DISC1: variants seen among roughly 807,000 people sequenced by gnomAD.
The protein encoded by DISC1 is DISC1 scaffold protein.
Under a neutral mutation model 84.5 loss-of-function variants are expected in DISC1, and 57 were observed. The ratio of observed to expected loss-of-function variants is 0.67; its 90% CI spans 0.55 to 0.84. DISC1 has a LOEUF of 0.84. DISC1 is among the 40% of genes least tolerant of loss of function. The pLI, the probability that DISC1 is intolerant of heterozygous loss-of-function variation, is 0.00. For synonymous variants in DISC1, 411 were observed against 415.2 expected (o/e 0.99, Z 0.12); for missense variants, 1,000 against 1,057.8 (o/e 0.95, Z 0.76).
At chr1:231,715,739 C>CTA (rs1481964014) in intron 3 of DISC1, among the ~76,000 whole-genome samples, 1 of 152,166 alleles carries the variant, frequency 6.6e-6, no homozygotes, top group Non-Finnish European at 1.5e-5. Context: ...ATAGTCAGTA[C>CTA]TAAAAGCACC....
At chr1:231,899,208 G>A (rs1265737354) in intron 9 of DISC1, among the ~76,000 whole-genome samples, 2 of 152,110 alleles carry the variant, frequency 1.3e-5, no homozygotes, top group Non-Finnish European at 2.9e-5. Context: ...TGGAGCTCTG[G>A]GACAGTAGCT....
intron 10 of DISC1, among the ~76,000 whole-genome samples, chr1:232,002,794 A>G (rs1666880428): frequency 6.6e-6 from 1 of 152,180 alleles, no homozygotes; most frequent in African/African-American, 2.4e-5. Context: ...AAAAGAGAAC[A>G]TGGAGATTCA....
chr1:232,003,082 AAAG>A (rs1020138983), intron 10 of DISC1, among the ~76,000 whole-genome samples: 2 of 152,174 alleles, frequency 1.3e-5, no homozygotes, highest in Middle Eastern at 3.2e-3. Flanking sequence ...AAATAGAAAA[AAAG>A]AAGGGAATTT....
Position 231,795,239 on chromosome 1 carries a change from C to T in DISC1, c.1635-3C>T. On this transcript the variant is annotated splice_region_variant and splice_polypyrimidine_tract_variant and intron_variant, in intron 6 of 12. Coordinates refer to ENST00000439617, the MANE Select transcript of DISC1 (RefSeq NM_018662.3). ...ACCAATCTCCTCTTTTTAATTCTTC[C>T]AGCCTCCAGGAAAGAATAAAATCCC... is the stretch of plus-strand genomic sequence containing the variant. 6.2e-7 allele frequency: 1 copy of T among 1,613,534 alleles called. No homozygotes were observed. The highest frequency in any genetic ancestry group is 8.5e-7 in the Non-Finnish European group (1 of 1,179,540).
In DISC1 at chr1:231,992,414, T is replaced by A. The variant is rs1006556215; in HGVS notation, c.2043-16371T>A. Among the ~76,000 whole-genome samples, 10 of 152,328 alleles carry A rather than the reference T, an allele frequency of 6.6e-5. No individual in the cohort carries two copies. In the South Asian group the frequency reaches 2.1e-3, roughly 32 times the overall value. Reference sequence around the variant, plus strand: ...TTTGCTGGTTAATAAATCTAACTCATAGACCATGCAACGTGTTAGAAATAT... The same window carrying A: ...TTTGCTGGTTAATAAATCTAACTCAAAGACCATGCAACGTGTTAGAAATAT... On this transcript the variant is annotated intron_variant, in intron 10 of 12. Coordinates refer to ENST00000439617, the MANE Select transcript of DISC1 (RefSeq NM_018662.3).
At chr1:231,682,896 A>G (rs376839787) in intron 1 of DISC1, among the ~76,000 whole-genome samples, 4 of 152,358 alleles carry the variant, frequency 2.6e-5, no homozygotes, top group Non-Finnish European at 1.5e-5. Context: ...TGTCACATGC[A>G]TGGTTTTTGA....
intron 12 of DISC1, among the ~76,000 whole-genome samples, chr1:232,033,544 T>C (rs112694370): frequency 1.3e-5 from 2 of 152,340 alleles, no homozygotes; most frequent in African/African-American, 4.8e-5. Flanking sequence ...TGGACATAAC[T>C]ACCAACATGG....
intron 9 of DISC1, among the ~76,000 whole-genome samples, chr1:231,898,631 C>T (rs996734093): frequency 1.3e-5 from 2 of 152,126 alleles, no homozygotes; most frequent in African/African-American, 4.8e-5. Flanking sequence ...GTTGAATGTT[C>T]TACATTCACA....
At chr1:232,016,764 A>G (rs761180689) in intron 11 of DISC1, among the ~76,000 whole-genome samples, 1 of 152,240 alleles carries the variant, frequency 6.6e-6, no homozygotes, top group Non-Finnish European at 1.5e-5. Context: ...CTTGAAGACA[A>G]TTCATTGCTT....
intron 9 of DISC1, among the ~76,000 whole-genome samples, chr1:231,917,993 C>T (rs757538587): frequency 3.3e-5 from 5 of 152,184 alleles, no homozygotes; most frequent in Admixed American, 6.5e-5. Flanking sequence ...TGTAGTTACA[C>T]TACAAACACT....
chr1:231,916,228 G>A (rs1342842794), intron 9 of DISC1, among the ~76,000 whole-genome samples: 2 of 152,096 alleles, frequency 1.3e-5, no homozygotes, highest in Non-Finnish European at 2.9e-5. Context: ...TACTTTTTAG[G>A]TCTCAAATCT....
chr1:231,911,242 C>T (rs574096386), intron 9 of DISC1, among the ~76,000 whole-genome samples: 29 of 152,106 alleles, frequency 1.9e-4, no homozygotes, highest in Non-Finnish European at 3.5e-4. Context: ...TTATTTTGCT[C>T]GTTGGTTGAT....
At chr1:231,666,817 C>T (rs2125419627) in intron 1 of DISC1, among the ~76,000 whole-genome samples, 1 of 152,304 alleles carries the variant, frequency 6.6e-6, no homozygotes, top group Non-Finnish European at 1.5e-5. Context: ...CATGTAGAAT[C>T]TGGAGAGGAG....
rs1323347120 is a variant in DISC1, at chr1:231,735,683, G to C, written c.1118-14243G>C. On this transcript the variant is annotated intron_variant, in intron 3 of 12. Transcript: ENST00000439617. Reference sequence around the variant, plus strand: ...CCAAAGTGGGAGTAACCACTCTCTCGTGGGATCATTGTGAGGATAAAATGA... The same window carrying C: ...CCAAAGTGGGAGTAACCACTCTCTCCTGGGATCATTGTGAGGATAAAATGA... Among the ~76,000 whole-genome samples, 6 of 152,314 alleles carry C rather than the reference G, an allele frequency of 3.9e-5. No individual in the cohort carries two copies. The East Asian group carries it at 1.2e-3, about 29-fold the overall frequency.
chr1:231,951,603 G>A (rs1658378177), intron 9 of DISC1, among the ~76,000 whole-genome samples: 1 of 152,170 alleles, frequency 6.6e-6, no homozygotes, highest in African/African-American at 2.4e-5. Flanking sequence ...GACGCTCTGA[G>A]AATGACTGCT....
intron 1 of DISC1, among the ~76,000 whole-genome samples, chr1:231,687,880 A>C (rs996301888): frequency 4.6e-5 from 7 of 152,172 alleles, no homozygotes; most frequent in African/African-American, 1.7e-4. Context: ...CAACAATGTG[A>C]ATGTACTTAA....
intron 9 of DISC1, among the ~76,000 whole-genome samples, chr1:231,910,691 CT>C (rs2089127864): frequency 6.6e-6 from 1 of 152,136 alleles, no homozygotes. Flanking sequence ...TGTATTAGGT[CT>C]GCTTGGTGTG....
At chr1:231,715,203 T>C (rs532460558) in intron 3 of DISC1, among the ~76,000 whole-genome samples, 9 of 152,254 alleles carry the variant, frequency 5.9e-5, no homozygotes, top group African/African-American at 2.2e-4. Flanking sequence ...GTACATCTGT[T>C]AGGAGAAGAT....
intron 9 of DISC1, among the ~76,000 whole-genome samples, chr1:231,821,815 G>A (rs528731432): frequency 6.6e-6 from 1 of 151,140 alleles, no homozygotes; most frequent in Non-Finnish European, 1.5e-5. Flanking sequence ...CCAGGTTCAA[G>A]CGATTCTCCT....
Sources: allele counts gnomAD v4.1 joint callset (sites outside exome capture counted in the v4.1 genomes callset), GRCh38; gene constraint gnomAD v4.1.1; transcripts MANE v1.5; gene names NCBI Gene and HGNC (gene_info 2026-07-23, HGNC 2026-07-21).